Variants in ATE1 observed in about 807,000 individuals in gnomAD.
ATE1 encodes arginyl-tRNA--protein transferase 1.
A neutral mutation model predicts 70.5 loss-of-function variants in ATE1; 36 were observed. That is an observed-to-expected ratio of 0.51 (90% CI 0.39 to 0.67). The LOEUF (loss-of-function observed/expected upper bound fraction) is 0.67. ATE1 is among the 30% of genes least tolerant of loss of function. The pLI, the probability that ATE1 is intolerant of heterozygous loss-of-function variation, is 0.00. For missense variants in ATE1, 593 were observed against 629.5 expected, an observed-to-expected ratio of 0.94 and a Z score of 0.62; for synonymous variants, 232 against 219.3, an observed-to-expected ratio of 1.06 and a Z score of -0.51.
At chr10:121,823,511 G>A (rs1220089846) in intron 10 of ATE1, among the ~76,000 whole-genome samples, 1 of 152,198 alleles carries the variant, frequency 6.6e-6, no homozygotes, top group Non-Finnish European at 1.5e-5. Flanking sequence ...CTCAGTGCAA[G>A]ACAACACACA....
rs748340187 is a variant in ATE1, at chr10:121,911,005, C to G, written c.484G>C (p.Glu162Gln). 6.2e-7 allele frequency: 1 copy of G among 1,613,948 alleles called. No individual in the cohort carries two copies. The highest frequency in any genetic ancestry group is 1.1e-5 in the South Asian group (1 of 91,032). ...TGTGACTGAAGTAATTCCTGAGGTTCTTCTTTCTTTGAATTTTTTCCTTCA... is the reference window on the plus strand; with the variant it reads ...TGTGACTGAAGTAATTCCTGAGGTTGTTCTTTCTTTGAATTTTTTCCTTCA... ...ESEGKNSKKE[E>Q]PQELLQSQDF... The change falls in exon 5 of 12, where the codon GAA (glutamate) becomes CAA (glutamine). Residue 162 changes from glutamate to glutamine, a missense_variant. Glu to Gln is a conservative substitution (Grantham distance 29). Around this residue, in one of 3 missense-constraint regions of ATE1, gnomAD observed 467 missense variants for 469.6 expected, o/e 0.99. Transcript: ENST00000224652.
chr10:121,826,179 G>A (rs770178559), intron 10 of ATE1, among the ~76,000 whole-genome samples: 6 of 152,204 alleles, frequency 3.9e-5, no homozygotes, highest in Non-Finnish European at 8.8e-5. Context: ...GATTGTGTAA[G>A]ATGAAGAAAT....
chr10:121,871,770 G>A (rs929120086), intron 7 of ATE1, among the ~76,000 whole-genome samples: 4 of 152,026 alleles, frequency 2.6e-5, no homozygotes, highest in Non-Finnish European at 5.9e-5. Context: ...AATGCAAACA[G>A]TAAGAATTTT....
At chr10:121,745,809 A>G (rs1944346826) in intron 11 of ATE1, among the ~76,000 whole-genome samples, 2 of 152,180 alleles carry the variant, frequency 1.3e-5, no homozygotes, top group Non-Finnish European at 2.9e-5. Context: ...GTTTATGGCA[A>G]CACTCTCTCT....
At chr10:121,781,459 T>C (rs1945985379) in intron 11 of ATE1, among the ~76,000 whole-genome samples, 1 of 152,232 alleles carries the variant, frequency 6.6e-6, no homozygotes, top group African/African-American at 2.4e-5. Flanking sequence ...CTTCTTCCTT[T>C]GGCCCCTCAG....
rs1401436420 is a variant in ATE1 at position 121,741,558 on chromosome 10, G to A, written c.*2122C>T. ...TTTTCTCTTCATCTGATATTCAAGG[G>A]TTGTGATCTTTATGAATACCATTTT... On this transcript the variant is annotated 3_prime_UTR_variant, in exon 12 of 12. Transcript: ENST00000224652. The A allele has an allele frequency of 6.6e-6, 1 of 152,192 alleles. No homozygotes were observed. The highest frequency in any genetic ancestry group is 2.4e-5 in the African/African-American group (1 of 41,446). 9.4% of individuals were successfully genotyped at this position (152,192 alleles called of 1,614,324 possible).
chr10:121,790,036 A>G lies in ATE1; in HGVS notation c.1378+133T>C, dbSNP rs1946372275. The G allele has an allele frequency of 3.8e-6, 5 of 1,321,512 alleles. No individual in the cohort carries two copies. In the South Asian group the frequency reaches 7.3e-5, roughly 19 times the overall value. 81.9% of individuals were successfully genotyped at this position (1,321,512 alleles called of 1,614,324 possible). ...CAAAGTCTTCCTCTATCTTACACAC[A>G]CACACACACTCATGCACAGCATACT... On this transcript the variant is annotated intron_variant, in intron 11 of 11. Coordinates refer to ENST00000224652, the MANE Select transcript of ATE1 (RefSeq NM_001001976.3).
At chr10:121,802,103 GC>G (rs981797614) in intron 10 of ATE1, among the ~76,000 whole-genome samples, 12 of 152,118 alleles carry the variant, frequency 7.9e-5, no homozygotes, top group African/African-American at 2.9e-4. Context: ...ACAAGTGTGT[GC>G]CCTTAGTCTA....
intron 10 of ATE1, among the ~76,000 whole-genome samples, chr10:121,820,358 G>C (rs1278611153): frequency 6.6e-6 from 1 of 152,110 alleles, no homozygotes; most frequent in Non-Finnish European, 1.5e-5. Context: ...TTGTATTATA[G>C]AAAAATTGTA....
At chr10:121,872,223 T>C (rs1949886601) in intron 7 of ATE1, among the ~76,000 whole-genome samples, 1 of 152,216 alleles carries the variant, frequency 6.6e-6, no homozygotes, top group African/African-American at 2.4e-5. Flanking sequence ...AGAATATAAA[T>C]GTTGTCTATA....
At chr10:121,782,868 G>T (rs1946052875) in intron 11 of ATE1, among the ~76,000 whole-genome samples, 1 of 152,150 alleles carries the variant, frequency 6.6e-6, no homozygotes, top group Admixed American at 6.5e-5. Flanking sequence ...TCCCGTACTG[G>T]ATGCTTCCTG....
intron 2 of ATE1, among the ~76,000 whole-genome samples, chr10:121,923,876 T>C (rs1334286748): frequency 6.6e-6 from 1 of 152,120 alleles, no homozygotes; most frequent in East Asian, 1.9e-4. Context: ...GTGGATAAGT[T>C]AAAAAGAAAA....
chr10:121,798,469 G>A (rs372057421), intron 10 of ATE1, among the ~76,000 whole-genome samples: 6 of 152,360 alleles, frequency 3.9e-5, no homozygotes, highest in Admixed American at 6.5e-5. Context: ...CTCTTCATCT[G>A]TTAGGAGAGT....
chr10:121,745,357 C>T (rs1944307421), intron 11 of ATE1, among the ~76,000 whole-genome samples: 1 of 152,222 alleles, frequency 6.6e-6, no homozygotes, highest in East Asian at 1.9e-4. Flanking sequence ...CCCCGGAGAT[C>T]CTAATACAAA....
intron 7 of ATE1, among the ~76,000 whole-genome samples, chr10:121,896,119 C>A (rs1234498123): frequency 1.3e-5 from 2 of 152,180 alleles, no homozygotes; most frequent in Non-Finnish European, 2.9e-5. Flanking sequence ...GCCCAAGTGT[C>A]ATTTTAACGT....
At chr10:121,845,759 G>C (rs1292517405) in intron 8 of ATE1, among the ~76,000 whole-genome samples, 1 of 151,934 alleles carries the variant, frequency 6.6e-6, no homozygotes, top group Non-Finnish European at 1.5e-5. Context: ...AGATAAGCAA[G>C]GGAAAAAAGG....
At chr10:121,828,663 G>A (rs938289635) in intron 10 of ATE1, among the ~76,000 whole-genome samples, 4 of 152,198 alleles carry the variant, frequency 2.6e-5, no homozygotes, top group Non-Finnish European at 4.4e-5. Context: ...AAACAGCCTA[G>A]ACTGCTGATG....
intron 11 of ATE1, among the ~76,000 whole-genome samples, chr10:121,788,582 G>A (rs1946305786): frequency 6.6e-6 from 1 of 152,192 alleles, no homozygotes; most frequent in Non-Finnish European, 1.5e-5. Flanking sequence ...TAGAACTGAA[G>A]AAGTTACTGC....
intron 10 of ATE1, among the ~76,000 whole-genome samples, chr10:121,829,307 C>T (rs11200182): frequency 0.3 from 45,816 of 152,082 alleles, 8,311 homozygotes; most frequent in Middle Eastern, 0.43. Flanking sequence ...CCTGTAGTCC[C>T]AGCTACTCAG....
Sources: gnomAD v4.1 joint callset for allele counts (sites outside exome capture counted in the v4.1 genomes callset) on GRCh38, gnomAD v4.1.1 for gene constraint, gnomAD v4.1.1 regional missense constraint, MANE v1.5 for transcripts, NCBI Gene and HGNC (gene_info 2026-07-23, HGNC 2026-07-21) for gene names.